The following CDCA2 variants were observed in gnomAD, a reference collection of about 807,000 sequenced individuals.
CDCA2 encodes the protein cell division cycle-associated protein 2.
CDCA2 carries 44 observed loss-of-function variants against 67.0 expected under a neutral mutation model. The ratio of observed to expected loss-of-function variants is 0.66; its 90% CI spans 0.52 to 0.84. CDCA2 has a LOEUF of 0.84. Ranked by LOEUF, CDCA2 falls within the 40% of genes least tolerant of loss-of-function variation. CDCA2 has a pLI of 0.00. For missense variants in CDCA2, 1,253 were observed against 1,203.2 expected (o/e 1.04, Z -0.61); for synonymous variants, 447 against 418.7 (o/e 1.07, Z -0.82).
intron 5 of CDCA2, among the ~76,000 whole-genome samples, chr8:25,467,057 A>AC (rs1563260944): frequency 2.8e-5 from 4 of 141,716 alleles, no homozygotes; most frequent in African/African-American, 1.1e-4. Flanking sequence ...AAAAAAAAAA[A>AC]AAAAAAAAAC....
rs1241473125 is a variant in CDCA2 at position 25,483,498 on chromosome 8, A to G, written c.1120+12A>G. On this transcript the variant is annotated intron_variant, in intron 9 of 14. Transcript: ENST00000330560. ...AGAGAAAGAAGCAGGTAAGAAATTC[A>G]TACTTGTTTTTAAGCTTGAGGATAT... 18 of 1,587,446 alleles carry G rather than the reference A, an allele frequency of 1.1e-5. No homozygotes were observed. The highest frequency in any genetic ancestry group is 2.2e-5 in the East Asian group (1 of 44,584).
At chr8:25,502,377 G>A (rs1804514478) in intron 13 of CDCA2, among the ~76,000 whole-genome samples, 2 of 152,074 alleles carry the variant, frequency 1.3e-5, no homozygotes, top group South Asian at 4.2e-4. Context: ...TTATTTCTTG[G>A]TTGCTGATAC....
intron 12 of CDCA2, among the ~76,000 whole-genome samples, 173 bp downstream of exon 12, chr8:25,487,507 C>T (rs1035682995): frequency 3.3e-5 from 5 of 152,044 alleles, no homozygotes; most frequent in South Asian, 2.1e-4. Flanking sequence ...TTTGGGAGGC[C>T]GAGGCAGGCG....
chr8:25,482,740 C>T (rs1803620864), intron 8 of CDCA2, among the ~76,000 whole-genome samples: 2 of 152,126 alleles, frequency 1.3e-5, no homozygotes, highest in South Asian at 2.1e-4. Flanking sequence ...TGTGGTAGTG[C>T]GCACCTGTAG....
intron 14 of CDCA2, 132 bp from the exon 15 acceptor site, chr8:25,506,376 CAG>C: frequency 1.4e-6 from 1 of 710,922 alleles, no homozygotes; most frequent in African/African-American, 1.8e-5. Context: ...AGGGCAAGCA[CAG>C]TGTAACATTT....
At chr8:25,472,912 A>T (rs926767639) in intron 7 of CDCA2, among the ~76,000 whole-genome samples, 1 of 152,176 alleles carries the variant, frequency 6.6e-6, no homozygotes, top group African/African-American at 2.4e-5. Flanking sequence ...TAATACACTA[A>T]TATTGACTAT....
At chr8:25,466,913 A>T (rs1420173585) in intron 5 of CDCA2, among the ~76,000 whole-genome samples, 2 of 151,924 alleles carry the variant, frequency 1.3e-5, no homozygotes, top group Non-Finnish European at 2.9e-5. Flanking sequence ...GTGGTGACAC[A>T]TGCCTGTAAC....
intron 13 of CDCA2, among the ~76,000 whole-genome samples, chr8:25,498,084 G>C (rs1351565644): frequency 6.6e-6 from 1 of 152,146 alleles, no homozygotes; most frequent in Non-Finnish European, 1.5e-5. Flanking sequence ...AGATCTTATT[G>C]GGGTCCTGAT....
intron 7 of CDCA2, among the ~76,000 whole-genome samples, chr8:25,476,485 A>G (rs915734655): frequency 6.6e-6 from 1 of 151,804 alleles, no homozygotes; most frequent in African/African-American, 2.4e-5. Context: ...GCATCTCTGT[A>G]TGTGTGTATC....
chr8:25,466,396 T>C, intron 5 of CDCA2, 71 bp downstream of exon 5: 1 of 1,385,776 alleles, frequency 7.2e-7, no homozygotes, highest in Non-Finnish European at 9.6e-7. Context: ...TATGAAATGA[T>C]TTAGTGTGAA....
At position 25,497,002 on chromosome 8, in the gene CDCA2, GA is replaced by G. The variant is rs893580809; in HGVS notation, c.1672-6363del. Among the ~76,000 whole-genome samples the G allele has an allele frequency of 9.9e-5, 15 of 151,972 alleles. No individual in the cohort carries two copies. The East Asian group carries it at 1.7e-3, about 18-fold the overall frequency. ...AAAAAGAAATGTTACATATTATTTA[GA>G]AAAAAAACTCACTGGCCCTAAGCAA... is the stretch of plus-strand genomic sequence containing the variant. On this transcript the variant is annotated intron_variant, in intron 13 of 14. Transcript: ENST00000330560.
At chr8:25,497,591 A>T (rs1586524445) in intron 13 of CDCA2, among the ~76,000 whole-genome samples, 1 of 151,036 alleles carries the variant, frequency 6.6e-6, no homozygotes, top group Non-Finnish European at 1.5e-5. Context: ...GGATGAGGAG[A>T]TGTTGGTTCA....
At chr8:25,505,184 G>A (rs1001753475) in intron 14 of CDCA2, among the ~76,000 whole-genome samples, 4 of 151,296 alleles carry the variant, frequency 2.6e-5, no homozygotes, top group South Asian at 2.1e-4. Flanking sequence ...GATTTTATGC[G>A]AAATACATAT....
At chr8:25,488,710 A>T in intron 13 of CDCA2, 21 bp downstream of exon 13, 1 of 1,567,764 alleles carries the variant, frequency 6.4e-7, no homozygotes, top group Non-Finnish European at 8.6e-7. Context: ...GTTTAAAGAT[A>T]TAATAAAGAG....
intron 7 of CDCA2, among the ~76,000 whole-genome samples, chr8:25,470,846 C>T (rs1018161782): frequency 6.6e-6 from 1 of 151,920 alleles, no homozygotes; most frequent in Non-Finnish European, 1.5e-5. Flanking sequence ...ACTGCAACCT[C>T]CCTCTCCCAG....
At chr8:25,499,971 G>C (rs1052459683) in intron 13 of CDCA2, among the ~76,000 whole-genome samples, 2 of 152,194 alleles carry the variant, frequency 1.3e-5, no homozygotes, top group Non-Finnish European at 2.9e-5. Context: ...ACTAAGATCA[G>C]CTCTGCCAGA....
rs373266031 is a variant in CDCA2 at position 25,485,673 on chromosome 8, C to A, written c.1366-86C>A. On this transcript the variant is annotated intron_variant, in intron 10 of 14. Coordinates refer to ENST00000330560, the MANE Select transcript of CDCA2 (RefSeq NM_152562.4). ...TTATGCTTATTATAGTTTCTCCTAC[C>A]AAAATAAATTCTTACTCTTCTTTTG... 27 of 665,444 alleles carry A rather than the reference C, an allele frequency of 4.1e-5. No individual in the cohort carries two copies. In the African/African-American group the frequency reaches 4.4e-4, roughly 11 times the overall value. The allele number at this position is 665,444 out of a possible 1,614,324, so 41.2% of individuals were successfully genotyped here.
chr8:25,507,035 G>C lies in CDCA2; in HGVS notation c.2369G>C (p.Cys790Ser), dbSNP rs758119419. 1 of 1,614,078 alleles carries C rather than the reference G, an allele frequency of 6.2e-7. No individual in the cohort carries two copies. The highest frequency in any genetic ancestry group is 8.5e-7 in the Non-Finnish European group (1 of 1,179,976). ...TTAATGCCTAATTCACAAAAAGACT[G>C]TCATTGTTTAGGAGATGTCTTAATT... ...NRLMPNSQKD[C>S]HCLGDVLIEN... Residue 790 changes from cysteine (C) to serine (S), a missense_variant, in exon 15 of 15, where the codon TGT (cysteine) becomes TCT (serine). Physicochemically the swap from Cys to Ser is moderately radical, Grantham distance 112. Transcript: ENST00000330560.
chr8:25,466,347 A>G (rs1802902796), intron 5 of CDCA2, 22 bp downstream of exon 5: 1 of 1,550,376 alleles, frequency 6.5e-7, no homozygotes, highest in Admixed American at 2.3e-5. Flanking sequence ...TAATTCGTTC[A>G]GTTTTGACTT....
Sources: gnomAD v4.1 joint callset for allele counts (sites outside exome capture counted in the v4.1 genomes callset) on GRCh38, gnomAD v4.1.1 for gene constraint, MANE v1.5 for transcripts, NCBI Gene and HGNC (gene_info 2026-07-23, HGNC 2026-07-21) for gene names.